DLGAP2: variants seen among roughly 807,000 people sequenced by gnomAD.
The protein encoded by DLGAP2 is disks large-associated protein 2.
DLGAP2 carries 26 observed loss-of-function variants against 100.3 expected under a neutral mutation model. The observed-to-expected ratio is 0.26, with a 90% CI of 0.19 to 0.36. The LOEUF is 0.36. Ranked by LOEUF, DLGAP2 falls within the 10% of genes least tolerant of loss-of-function variation. DLGAP2 has a pLI of 1.00. For missense variants in DLGAP2, 1,858 were observed against 1,453.2 expected, an observed-to-expected ratio of 1.28 and a Z score of -4.53; for synonymous variants, 886 against 630.1, an observed-to-expected ratio of 1.41 and a Z score of -6.08.
chr8:1,473,178 G>A (rs534719922), intron 3 of DLGAP2, among the ~76,000 whole-genome samples: 10 of 152,282 alleles, frequency 6.6e-5, no homozygotes, highest in East Asian at 3.9e-4. Context: ...TGATCCATCC[G>A]TCTTGGCCTC....
chr8:1,188,084 C>A (rs1390320383), intron 2 of DLGAP2, among the ~76,000 whole-genome samples: 1 of 137,712 alleles, frequency 7.3e-6, no homozygotes, highest in Non-Finnish European at 1.5e-5. Flanking sequence ...ACGTTTGCCT[C>A]ATGGAATCTC....
In DLGAP2 at chr8:1,617,101, A is replaced by G. The variant is rs116384013; in HGVS notation, c.1443-9639A>G. ...ATGGCTGCATAGTATTCCACGGTGTACATGCACCACATTTTCTTTATCTGT... is the reference window on the plus strand; with the variant it reads ...ATGGCTGCATAGTATTCCACGGTGTGCATGCACCACATTTTCTTTATCTGT... On this transcript the variant is annotated intron_variant, in intron 6 of 14. Transcript: ENST00000637795. Among the ~76,000 whole-genome samples the G allele has an allele frequency of 9.4e-3, 1,425 of 151,998 alleles. 21 individuals carry two copies. Among genetic ancestry groups the G allele is most frequent in the African/African-American group, 0.033 (1,354 of 41,502 alleles).
At chr8:744,598 A>C (rs1585815184) in intron 1 of DLGAP2, among the ~76,000 whole-genome samples, 5 of 128,854 alleles carry the variant, frequency 3.9e-5, no homozygotes, top group Admixed American at 2.3e-4. Flanking sequence ...CCCCACGGTC[A>C]CTCCCTGCCT....
rs928695950 is a variant in DLGAP2 at position 1,364,804 on chromosome 8, G to A, written c.106+105921G>A. On this transcript the variant is annotated intron_variant, in intron 3 of 14. Transcript: ENST00000637795. ...GAGCTGGAGAGAGAGGGGACGCTGT[G>A]CATTTACGTCGGAGTTGGGGAGGCT... is the stretch of plus-strand genomic sequence containing the variant. 2.0e-5 allele frequency among the ~76,000 whole-genome samples: 3 copies of A among 152,244 alleles called. No individual in the cohort carries two copies. In the East Asian group the frequency reaches 5.8e-4, roughly 29 times the overall value.
intron 2 of DLGAP2, among the ~76,000 whole-genome samples, chr8:964,114 T>G (rs1035524439): frequency 1.3e-5 from 2 of 152,206 alleles, no homozygotes; most frequent in Non-Finnish European, 2.9e-5. Flanking sequence ...TAAAATAAAA[T>G]GCATGCTTCC....
Position 1,464,371 on chromosome 8 carries a change from T to G in DLGAP2, c.107-36995T>G, listed in dbSNP as rs998632994. On this transcript the variant is annotated intron_variant, in intron 3 of 14. Transcript: ENST00000637795. ...ACGGCACCCTTCCAGGACAACGCCC[T>G]TCCAGGATGGCACCCTTCCGGAATG... is the stretch of plus-strand genomic sequence containing the variant. 2.0e-5 allele frequency among the ~76,000 whole-genome samples: 3 copies of G among 148,780 alleles called. 1 individual carries two copies. The highest frequency in any genetic ancestry group is 1.5e-5 in the Non-Finnish European group (1 of 67,174).
intron 3 of DLGAP2, among the ~76,000 whole-genome samples, chr8:1,297,439 G>A (rs957654103): frequency 2.7e-5 from 4 of 148,590 alleles, no homozygotes; most frequent in African/African-American, 7.3e-5. Context: ...GACACCACGC[G>A]AGACAGGGAG....
intron 2 of DLGAP2, among the ~76,000 whole-genome samples, chr8:1,086,355 CT>C (rs1306247142): frequency 6.6e-6 from 1 of 152,070 alleles, no homozygotes; most frequent in African/African-American, 2.4e-5. Context: ...AGAGAAAAAG[CT>C]TTCAACTTTT....
intron 12 of DLGAP2, among the ~76,000 whole-genome samples, chr8:1,691,094 G>GT (rs1029726751): frequency 2.6e-5 from 4 of 152,102 alleles, no homozygotes; most frequent in African/African-American, 9.7e-5. Context: ...ATATGGATGT[G>GT]TTTTTTCTAA....
intron 4 of DLGAP2, among the ~76,000 whole-genome samples, chr8:1,511,358 G>A (rs1800154678): frequency 6.9e-6 from 1 of 145,946 alleles, no homozygotes; most frequent in Non-Finnish European, 1.5e-5. Context: ...GGACGTAAGG[G>A]CTGTCTAGTG....
At chr8:879,644 A>G (rs1215731482) in intron 1 of DLGAP2, among the ~76,000 whole-genome samples, 1 of 152,194 alleles carries the variant, frequency 6.6e-6, no homozygotes, top group Non-Finnish European at 1.5e-5. Flanking sequence ...TACTTGTGCT[A>G]CAACCTCCCT....
chr8:1,144,217 C>G (rs759726945), intron 2 of DLGAP2, among the ~76,000 whole-genome samples: 1 of 152,190 alleles, frequency 6.6e-6, no homozygotes, highest in African/African-American at 2.4e-5. Flanking sequence ...TGGAAAGGCA[C>G]TTAGGAAGAT....
intron 8 of DLGAP2, among the ~76,000 whole-genome samples, chr8:1,652,839 G>A (rs1054097288): frequency 6.6e-6 from 1 of 152,176 alleles, no homozygotes; most frequent in Non-Finnish European, 1.5e-5. Flanking sequence ...TTTCTGAAAA[G>A]CAAAGTAAAT....
chr8:883,899 T>G (rs950291510), intron 1 of DLGAP2, among the ~76,000 whole-genome samples: 5 of 152,358 alleles, frequency 3.3e-5, no homozygotes, highest in Middle Eastern at 6.8e-3. Flanking sequence ...TGTTGGGTTT[T>G]CTGTTTCTGT....
chr8:1,153,302 G>C (rs1796728023), intron 2 of DLGAP2, among the ~76,000 whole-genome samples: 1 of 152,102 alleles, frequency 6.6e-6, no homozygotes, highest in Non-Finnish European at 1.5e-5. Flanking sequence ...TCAGCTTTTG[G>C]CACTGGCTAT....
chr8:1,629,034 G>T (rs1329339538), intron 7 of DLGAP2, among the ~76,000 whole-genome samples: 2 of 152,140 alleles, frequency 1.3e-5, no homozygotes, highest in African/African-American at 4.8e-5. Flanking sequence ...TATAATTCTG[G>T]GCACTAAAGC....
intron 2 of DLGAP2, among the ~76,000 whole-genome samples, chr8:1,130,613 G>C (rs2129049018): frequency 6.6e-6 from 1 of 152,350 alleles, no homozygotes; most frequent in Non-Finnish European, 1.5e-5. Flanking sequence ...CCCCCTGGGT[G>C]TTTACCAGGA....
At chr8:1,469,424 C>T (rs933758100) in intron 3 of DLGAP2, among the ~76,000 whole-genome samples, 1 of 152,202 alleles carries the variant, frequency 6.6e-6, no homozygotes, top group African/African-American at 2.4e-5. Flanking sequence ...TCCATGTGGC[C>T]ACCAAGGGCA....
At chr8:1,561,727 C>T (rs867556821) in intron 5 of DLGAP2, among the ~76,000 whole-genome samples, 37 of 137,628 alleles carry the variant, frequency 2.7e-4, no homozygotes, top group Middle Eastern at 4.0e-3. Flanking sequence ...GGGGTGTCCG[C>T]GCCTCGTTTC....
Sources: gnomAD v4.1 joint callset for allele counts (sites outside exome capture counted in the v4.1 genomes callset) on GRCh38, gnomAD v4.1.1 for gene constraint, MANE v1.5 for transcripts, NCBI Gene and HGNC (gene_info 2026-07-23, HGNC 2026-07-21) for gene names.